The following USP32 variants were observed in gnomAD, a reference collection of about 807,000 sequenced individuals.
USP32 encodes ubiquitin specific peptidase 32.
A neutral mutation model predicts 204.8 loss-of-function variants in USP32; 59 were observed. The observed-to-expected ratio is 0.29, with a 90% confidence interval of 0.23 to 0.36. The LOEUF is 0.36. Ranked by LOEUF, USP32 falls within the 10% of genes least tolerant of loss-of-function variation. The probability of loss-of-function intolerance (pLI) is 1.00; values close to 1 mark genes in which losing one functional copy is unlikely to be tolerated. For missense variants in USP32, 1,160 were observed against 1,946.4 expected, an observed-to-expected ratio of 0.60 and a Z score of 7.60; for synonymous variants, 517 against 678.4, an observed-to-expected ratio of 0.76 and a Z score of 3.70.
chr17:60,243,503 TAG>T (rs1206820703), intron 11 of USP32, among the ~76,000 whole-genome samples: 1 of 152,206 alleles, frequency 6.6e-6, no homozygotes, highest in East Asian at 1.9e-4. Context: ...AGATATTTTT[TAG>T]AGTGAGGAAT....
intron 2 of USP32, among the ~76,000 whole-genome samples, chr17:60,308,111 A>C (rs1166502109): frequency 2.0e-5 from 3 of 152,166 alleles, no homozygotes; most frequent in African/African-American, 7.2e-5. Context: ...TCTACCATTC[A>C]GTAAAATCTT....
At chr17:60,376,105 G>GC (rs1219999029) in intron 1 of USP32, among the ~76,000 whole-genome samples, 1 of 151,886 alleles carries the variant, frequency 6.6e-6, no homozygotes, top group Non-Finnish European at 1.5e-5. Context: ...GAATGCAGTG[G>GC]CACAATCATG....
intron 1 of USP32, among the ~76,000 whole-genome samples, chr17:60,401,379 GAGAA>G (rs528370368): frequency 1.4e-4 from 22 of 152,200 alleles, no homozygotes; most frequent in Middle Eastern, 3.4e-3. Context: ...CAATTAAAAA[GAGAA>G]AGAAAGAAAG....
chr17:60,182,567 A>G (rs1257695994), intron 31 of USP32, among the ~76,000 whole-genome samples: 1 of 152,176 alleles, frequency 6.6e-6, no homozygotes, highest in Admixed American at 6.5e-5. Context: ...GTTCGAGCCC[A>G]GCCTGGGAAA....
At chr17:60,226,760 A>G (rs1598098416) in intron 12 of USP32, among the ~76,000 whole-genome samples, 1 of 152,254 alleles carries the variant, frequency 6.6e-6, no homozygotes, top group East Asian at 1.9e-4. Flanking sequence ...CAATGCTATG[A>G]CTTATACCTA....
At chr17:60,222,664 C>T in intron 14 of USP32, 115 bp from the exon 15 acceptor site, 3 of 878,604 alleles carry the variant, frequency 3.4e-6, no homozygotes, top group South Asian at 2.3e-5. Flanking sequence ...TTTCATGTTG[C>T]TGGAAAAACT....
chr17:60,318,007 C>CA (rs368231468), intron 2 of USP32, among the ~76,000 whole-genome samples: 19 of 151,674 alleles, frequency 1.3e-4, no homozygotes, highest in African/African-American at 2.9e-4. Flanking sequence ...AACAAACAAA[C>CA]AAAAAAAACA....
intron 5 of USP32, among the ~76,000 whole-genome samples, chr17:60,284,219 T>C (rs1034483162): frequency 7.3e-5 from 11 of 149,952 alleles, no homozygotes; most frequent in Non-Finnish European, 1.2e-4. Flanking sequence ...CTTTTCTTTT[T>C]TTTTTTTTTT....
At chr17:60,374,404 T>G (rs1293341156) in intron 1 of USP32, among the ~76,000 whole-genome samples, 1 of 151,810 alleles carries the variant, frequency 6.6e-6, no homozygotes, top group Non-Finnish European at 1.5e-5. Context: ...GTTTTGTTTT[T>G]TTTTTTTTGA....
At chr17:60,321,338 C>A (rs2088106868) in intron 2 of USP32, among the ~76,000 whole-genome samples, 1 of 152,188 alleles carries the variant, frequency 6.6e-6, no homozygotes, top group Admixed American at 6.5e-5. Flanking sequence ...ATTGGAACTA[C>A]AACCAACGTA....
At chr17:60,406,630 C>G (rs1327608188) in intron 1 of USP32, among the ~76,000 whole-genome samples, 1 of 152,094 alleles carries the variant, frequency 6.6e-6, no homozygotes, top group Non-Finnish European at 1.5e-5. Context: ...ATTCTCCTGC[C>G]TCAGCCTCCT....
intron 13 of USP32, among the ~76,000 whole-genome samples, chr17:60,224,537 C>T (rs1232780486): frequency 6.6e-6 from 1 of 152,180 alleles, no homozygotes; most frequent in African/African-American, 2.4e-5. Flanking sequence ...GTAATCTCAG[C>T]ACTTTGGGAG....
At chr17:60,279,286 C>G (rs1198179587) in intron 5 of USP32, among the ~76,000 whole-genome samples, 2 of 151,632 alleles carry the variant, frequency 1.3e-5, no homozygotes, top group Admixed American at 1.3e-4. Context: ...AGGATTGATA[C>G]CAGCCTGGGC....
At chr17:60,344,942 G>A (rs1038351403) in intron 2 of USP32, among the ~76,000 whole-genome samples, 1 of 152,068 alleles carries the variant, frequency 6.6e-6, no homozygotes, top group Admixed American at 6.6e-5. Flanking sequence ...GGGACTACAG[G>A]GACGCACAGT....
At chr17:60,193,956 CA>C (rs775027939) in intron 27 of USP32, among the ~76,000 whole-genome samples, 15 of 152,192 alleles carry the variant, frequency 9.9e-5, no homozygotes, top group Admixed American at 2.0e-4. Context: ...AGCTGTGCAG[CA>C]CTTCCCTTCT....
intron 4 of USP32, among the ~76,000 whole-genome samples, chr17:60,294,133 T>C (rs930292788): frequency 6.6e-6 from 1 of 152,196 alleles, no homozygotes; most frequent in African/African-American, 2.4e-5. Flanking sequence ...CTTGAACTCC[T>C]GGGCTCAAGA....
At chr17:60,207,794 T>C (rs905149005) in intron 24 of USP32, 21 of 315,796 alleles carry the variant, frequency 6.6e-5, no homozygotes, top group Admixed American at 9.5e-5. Flanking sequence ...TATACTATAG[T>C]GACACAGCTA....
intron 1 of USP32, among the ~76,000 whole-genome samples, chr17:60,348,799 G>C (rs984759424): frequency 6.6e-5 from 10 of 152,030 alleles, no homozygotes; most frequent in Admixed American, 3.3e-4. Context: ...AAGAGTGCTT[G>C]GCACACAGTT....
intron 1 of USP32, among the ~76,000 whole-genome samples, chr17:60,413,219 G>C (rs543355378): frequency 6.6e-6 from 1 of 152,300 alleles, no homozygotes; most frequent in African/African-American, 2.4e-5. Context: ...TCCTGCCAGT[G>C]GGGGAGGGAA....
Sources: gnomAD v4.1 joint callset for allele counts (sites outside exome capture counted in the v4.1 genomes callset) on GRCh38, gnomAD v4.1.1 for gene constraint, MANE v1.5 for transcripts, NCBI Gene and HGNC (gene_info 2026-07-23, HGNC 2026-07-21) for gene names.